FHIT: variants seen among roughly 807,000 people sequenced by gnomAD.
The protein encoded by FHIT is bis(5'-adenosyl)-triphosphatase.
FHIT carries 19 observed loss-of-function variants against 17.9 expected under a neutral mutation model. The observed-to-expected ratio is 1.06, with a 90% CI of 0.74 to 1.56. The LOEUF is 1.56. Among genes scored for constraint, FHIT ranks in the 40% most tolerant of loss-of-function variants. The pLI is 0.00. For missense variants in FHIT, 248 were observed against 189.2 expected, an observed-to-expected ratio of 1.31 and a Z score of -1.82; for synonymous variants, 81 against 69.7, an observed-to-expected ratio of 1.16 and a Z score of -0.81.
At chr3:59,860,215 CCTT>C (rs1702347031) in intron 8 of FHIT, among the ~76,000 whole-genome samples, 1 of 152,126 alleles carries the variant, frequency 6.6e-6, no homozygotes. Context: ...TGATTAGAAT[CCTT>C]CTTTGTTTTC....
intron 8 of FHIT, among the ~76,000 whole-genome samples, chr3:59,788,230 C>A (rs2106914331): frequency 6.6e-6 from 1 of 152,176 alleles, no homozygotes; most frequent in East Asian, 1.9e-4. Context: ...CACACATACC[C>A]AAGGCGAGGC....
At chr3:60,447,357 G>A (rs1157670132) in intron 5 of FHIT, among the ~76,000 whole-genome samples, 3 of 152,032 alleles carry the variant, frequency 2.0e-5, no homozygotes, top group African/African-American at 4.8e-5. Context: ...TTTTTATTCT[G>A]AATATGAGGT....
At chr3:61,222,707 TGAG>T (rs1012805792) in intron 1 of FHIT, among the ~76,000 whole-genome samples, 5 of 151,374 alleles carry the variant, frequency 3.3e-5, no homozygotes, top group African/African-American at 1.2e-4. Flanking sequence ...CAAAGAAAAA[TGAG>T]GAGGATTACA....
intron 4 of FHIT, among the ~76,000 whole-genome samples, chr3:60,640,919 C>T (rs562630162): frequency 1.3e-5 from 2 of 152,270 alleles, no homozygotes; most frequent in African/African-American, 2.4e-5. Context: ...GTGGCTCATG[C>T]CTGTAATCCC....
intron 3 of FHIT, among the ~76,000 whole-genome samples, chr3:61,032,885 C>T (rs2033074704): frequency 6.6e-6 from 1 of 152,216 alleles, no homozygotes; most frequent in Non-Finnish European, 1.5e-5. Context: ...AGGTATAGTT[C>T]CAGCCCAAGC....
intron 7 of FHIT, among the ~76,000 whole-genome samples, chr3:59,952,077 C>T (rs1389268157): frequency 6.6e-6 from 1 of 152,178 alleles, no homozygotes; most frequent in Admixed American, 6.5e-5. Context: ...AGAATGGTCC[C>T]TCCCACAGCT....
intron 3 of FHIT, among the ~76,000 whole-genome samples, chr3:60,900,316 A>G (rs1182386166): frequency 6.6e-6 from 1 of 152,052 alleles, no homozygotes; most frequent in South Asian, 2.1e-4. Flanking sequence ...TCCTAGCTAC[A>G]TGGGAGGCTG....
At chr3:61,086,377 C>T (rs1013237777) in intron 2 of FHIT, among the ~76,000 whole-genome samples, 7 of 152,052 alleles carry the variant, frequency 4.6e-5, no homozygotes, top group African/African-American at 1.7e-4. Flanking sequence ...TTGAACATTA[C>T]CTTACCACTC....
At chr3:60,165,783 C>A (rs184643543) in intron 5 of FHIT, among the ~76,000 whole-genome samples, 1 of 152,150 alleles carries the variant, frequency 6.6e-6, no homozygotes, top group East Asian at 1.9e-4. Flanking sequence ...TTGGTAGAAG[C>A]AAACAATACA....
Position 60,391,180 on chromosome 3 carries a change from C to T in FHIT, c.103+145680G>A, listed in dbSNP as rs1010545668. On this transcript the variant is annotated intron_variant, in intron 5 of 9. Coordinates refer to ENST00000492590, the MANE Select transcript of FHIT (RefSeq NM_002012.4). ...TCCAGCCTGGGCGACAGAGTGAGACCGTCTGACAAAACAAAACAAAAAACA... is the reference window on the plus strand; with the variant it reads ...TCCAGCCTGGGCGACAGAGTGAGACTGTCTGACAAAACAAAACAAAAAACA... Among the ~76,000 whole-genome samples the T allele has an allele frequency of 4.2e-5, 6 of 143,054 alleles. No individual in the cohort carries two copies. The East Asian group carries it at 6.3e-4, about 15-fold the overall frequency. 93.8% of individuals were successfully genotyped at this position (143,054 alleles called of 152,430 possible). A position where few individuals can be genotyped will look rare whatever the true frequency, so the allele number is the denominator to read the frequency against.
intron 4 of FHIT, among the ~76,000 whole-genome samples, chr3:60,771,654 G>T (rs1318083540): frequency 6.6e-6 from 1 of 152,156 alleles, no homozygotes; most frequent in Non-Finnish European, 1.5e-5. Flanking sequence ...TCATCTTATA[G>T]AAGGGGGTGA....
At chr3:60,305,074 CT>C (rs1708610978) in intron 5 of FHIT, among the ~76,000 whole-genome samples, 1 of 152,076 alleles carries the variant, frequency 6.6e-6, no homozygotes, top group South Asian at 2.1e-4. Context: ...AAGCCATTCA[CT>C]TTGTTTGGAT....
At chr3:61,133,959 G>T (rs1263131269) in intron 2 of FHIT, among the ~76,000 whole-genome samples, 2 of 152,102 alleles carry the variant, frequency 1.3e-5, no homozygotes, top group East Asian at 3.9e-4. Flanking sequence ...GTGGTGGCAG[G>T]CACCTGTAAT....
intron 5 of FHIT, among the ~76,000 whole-genome samples, chr3:60,155,203 G>T (rs1415487161): frequency 6.6e-6 from 1 of 150,878 alleles, no homozygotes; most frequent in Non-Finnish European, 1.5e-5. Flanking sequence ...TCACAGAGCT[G>T]GTGCCATTCT....
intron 2 of FHIT, among the ~76,000 whole-genome samples, chr3:61,042,832 T>G (rs2033585982): frequency 6.8e-6 from 1 of 147,610 alleles, no homozygotes; most frequent in African/African-American, 2.5e-5. Flanking sequence ...AAAGTGAGCA[T>G]CTGACTCAAA....
chr3:59,788,772 T>G (rs1234067252), intron 8 of FHIT, among the ~76,000 whole-genome samples: 5 of 151,870 alleles, frequency 3.3e-5, no homozygotes, highest in Admixed American at 6.6e-5. Context: ...CTCTTATTGA[T>G]GAGGTACAAG....
chr3:61,024,645 T>G (rs1209425349), intron 3 of FHIT, among the ~76,000 whole-genome samples: 1 of 152,166 alleles, frequency 6.6e-6, no homozygotes, highest in Non-Finnish European at 1.5e-5. Context: ...GATGGAATAG[T>G]CTAACAATGC....
chr3:60,681,028 T>C (rs2040735163), intron 4 of FHIT, among the ~76,000 whole-genome samples: 1 of 152,198 alleles, frequency 6.6e-6, no homozygotes, highest in African/African-American at 2.4e-5. Context: ...GAGGATATAA[T>C]TTTTTTAAGT....
intron 2 of FHIT, among the ~76,000 whole-genome samples, chr3:61,056,507 G>C (rs1476038020): frequency 6.6e-6 from 1 of 152,202 alleles, no homozygotes; most frequent in Non-Finnish European, 1.5e-5. Context: ...ACAGGGCAGA[G>C]TAAGAAGCGA....
Sources: gnomAD v4.1 joint callset for allele counts (sites outside exome capture counted in the v4.1 genomes callset) on GRCh38, gnomAD v4.1.1 for gene constraint, MANE v1.5 for transcripts, NCBI Gene and HGNC (gene_info 2026-07-23, HGNC 2026-07-21) for gene names.